FSHR: variants seen among roughly 807,000 people sequenced by gnomAD.
FSHR encodes the protein follicle-stimulating hormone receptor.
Under a neutral mutation model 52.1 loss-of-function variants are expected in FSHR, and 46 were observed. The ratio of observed to expected loss-of-function variants is 0.88; its 90% CI spans 0.70 to 1.13. The LOEUF (loss-of-function observed/expected upper bound fraction) is 1.13. FSHR is among the 50% of genes most tolerant of loss of function. The pLI, the probability that FSHR is intolerant of heterozygous loss-of-function variation, is 0.00. For synonymous variants in FSHR, 399 were observed against 309.6 expected (o/e 1.29, Z -3.03); for missense variants, 964 against 834.6 (o/e 1.16, Z -1.91).
At chr2:49,083,698 G>A (rs922660520) in intron 1 of FSHR, among the ~76,000 whole-genome samples, 1 of 150,006 alleles carries the variant, frequency 6.7e-6, no homozygotes, top group African/African-American at 2.5e-5. Flanking sequence ...TGCAATCCTA[G>A]TCTCTGATAA....
intron 8 of FSHR, among the ~76,000 whole-genome samples, chr2:48,969,561 ATG>A (rs10541638): frequency 0.12 from 18,772 of 152,204 alleles, 1,255 homozygotes; most frequent in East Asian, 0.24. Context: ...CAAAAATCCT[ATG>A]TGTACCTCAG....
At chr2:49,021,554 A>G (rs1479131794) in intron 2 of FSHR, among the ~76,000 whole-genome samples, 2 of 136,142 alleles carry the variant, frequency 1.5e-5, no homozygotes, top group Admixed American at 1.4e-4. Context: ...AGGGGAGGGA[A>G]AAAAGAAGGC....
intron 2 of FSHR, among the ~76,000 whole-genome samples, chr2:49,024,567 T>C (rs1023648571): frequency 1.3e-5 from 2 of 152,062 alleles, no homozygotes; most frequent in Non-Finnish European, 2.9e-5. Flanking sequence ...AATATATCCC[T>C]GAAATGAATA....
chr2:48,979,442 A>AC (rs35004985), intron 8 of FSHR, among the ~76,000 whole-genome samples: 78 of 150,794 alleles, frequency 5.2e-4, no homozygotes, highest in Non-Finnish European at 1.0e-4. Flanking sequence ...CCACAAAAAC[A>AC]CCCCCCCAAA....
rs550977659 is a variant in FSHR, at chr2:49,075,270, T to C, written c.153-6980A>G. Among the ~76,000 whole-genome samples, 86 of 152,270 alleles carry C rather than the reference T, an allele frequency of 5.6e-4. 1 individual carries two copies. The highest frequency in any genetic ancestry group is 1.9e-3 in the African/African-American group (79 of 41,566). On this transcript the variant is annotated intron_variant, in intron 1 of 9. Coordinates refer to ENST00000406846, the MANE Select transcript of FSHR (RefSeq NM_000145.4). The stretch of plus-strand genomic sequence containing the variant: ...GTTCTGATCACTCTGTTCTGATGCA[T>C]TGAAACATCACTATGCTCCCCATAA...
At chr2:49,126,408 A>C (rs1386720609) in intron 1 of FSHR, among the ~76,000 whole-genome samples, 1 of 152,152 alleles carries the variant, frequency 6.6e-6, no homozygotes, top group Non-Finnish European at 1.5e-5. Flanking sequence ...ATAATATAAC[A>C]ATATTAATCC....
chr2:49,056,128 C>A (rs1030933599), intron 2 of FSHR, among the ~76,000 whole-genome samples: 2 of 151,878 alleles, frequency 1.3e-5, no homozygotes, highest in Non-Finnish European at 2.9e-5. Flanking sequence ...AAGAGTAAGT[C>A]CTCACCTATT....
At chr2:49,147,846 C>A (rs1672922947) in intron 1 of FSHR, among the ~76,000 whole-genome samples, 1 of 151,612 alleles carries the variant, frequency 6.6e-6, no homozygotes, top group South Asian at 2.1e-4. Context: ...GATTTTATGT[C>A]AAGAGAAAGG....
chr2:49,121,574 A>T (rs984549548), intron 1 of FSHR, among the ~76,000 whole-genome samples: 5 of 152,150 alleles, frequency 3.3e-5, no homozygotes, highest in African/African-American at 1.2e-4. Flanking sequence ...GGGCTTTCCC[A>T]TACCTAGCTG....
intron 1 of FSHR, among the ~76,000 whole-genome samples, chr2:49,109,939 C>T (rs1671365642): frequency 6.6e-6 from 1 of 151,924 alleles, no homozygotes; most frequent in Non-Finnish European, 1.5e-5. Context: ...AAATGCCATC[C>T]AGAATGAGAG....
chr2:49,146,792 C>T (rs958166201), intron 1 of FSHR, among the ~76,000 whole-genome samples: 4 of 152,032 alleles, frequency 2.6e-5, no homozygotes, highest in Admixed American at 2.6e-4. Flanking sequence ...TCAATATCCT[C>T]AATTTGTGGA....
At chr2:49,018,078 AAG>A (rs1348760390) in intron 3 of FSHR, among the ~76,000 whole-genome samples, 1 of 152,190 alleles carries the variant, frequency 6.6e-6, no homozygotes, top group Non-Finnish European at 1.5e-5. Context: ...ATTGGAGGAA[AAG>A]AGAGTGAAAT....
chr2:49,091,526 A>T lies in FSHR; in HGVS notation c.153-23236T>A, dbSNP rs180723511. Among the ~76,000 whole-genome samples, 199 of 152,224 alleles carry T rather than the reference A, an allele frequency of 1.3e-3. 1 individual carries two copies. Among genetic ancestry groups the T allele is most frequent in the Admixed American group, 3.7e-3 (56 of 15,278 alleles). ...TGCCCAGTCTGGTCTTCAACTCCTG[A>T]CCTCAAGTGATCTGCCCAACTTGGC... is the stretch of plus-strand genomic sequence containing the variant. On this transcript the variant is annotated intron_variant, in intron 1 of 9. Coordinates refer to ENST00000406846, the MANE Select transcript of FSHR (RefSeq NM_000145.4).
At chr2:49,133,845 C>T (rs1672387948) in intron 1 of FSHR, among the ~76,000 whole-genome samples, 1 of 152,128 alleles carries the variant, frequency 6.6e-6, no homozygotes, top group Middle Eastern at 3.2e-3. Flanking sequence ...ATAAATGGTA[C>T]TGGGAAAATT....
chr2:49,090,003 T>G (rs537703765), intron 1 of FSHR, among the ~76,000 whole-genome samples: 3 of 152,364 alleles, frequency 2.0e-5, no homozygotes, highest in Admixed American at 1.3e-4. Flanking sequence ...CTAACATTTA[T>G]TGAAGCCCTA....
intron 2 of FSHR, among the ~76,000 whole-genome samples, chr2:49,063,483 T>A (rs1042168880): frequency 6.6e-6 from 1 of 152,118 alleles, no homozygotes; most frequent in African/African-American, 2.4e-5. Flanking sequence ...GAATACTATT[T>A]AGTGATGAAA....
chr2:49,014,670 T>G, intron 4 of FSHR: 1 of 256,438 alleles, frequency 3.9e-6, no homozygotes. Flanking sequence ...TTTCAAATTT[T>G]GCAATGATTC....
At chr2:49,009,635 G>T (rs919422607) in intron 4 of FSHR, among the ~76,000 whole-genome samples, 3 of 150,180 alleles carry the variant, frequency 2.0e-5, no homozygotes, top group African/African-American at 7.3e-5. Flanking sequence ...CCATTTTCAC[G>T]ATATTGATTC....
intron 4 of FSHR, among the ~76,000 whole-genome samples, chr2:49,005,068 C>T (rs747915509): frequency 4.6e-5 from 7 of 152,072 alleles, no homozygotes; most frequent in Non-Finnish European, 8.8e-5. Context: ...AATGCAAATT[C>T]TCCTTGAAAG....
Sources: allele counts gnomAD v4.1 joint callset (sites outside exome capture counted in the v4.1 genomes callset), GRCh38; gene constraint gnomAD v4.1.1; transcripts MANE v1.5; gene names NCBI Gene and HGNC (gene_info 2026-07-23, HGNC 2026-07-21).